The following NKAIN2 variants were observed in gnomAD, a reference collection of about 807,000 sequenced individuals.
NKAIN2 encodes the protein sodium/potassium transporting ATPase interacting 2.
Under a neutral mutation model 32.6 loss-of-function variants are expected in NKAIN2, and 14 were observed. That is an observed-to-expected ratio of 0.43 (90% CI 0.28 to 0.67). NKAIN2 has a LOEUF of 0.67. Ranked by LOEUF, NKAIN2 falls within the 30% of genes least tolerant of loss-of-function variation. The pLI is 0.17. For synonymous variants in NKAIN2, 80 were observed against 87.2 expected, an observed-to-expected ratio of 0.92 and a Z score of 0.46; for missense variants, 198 against 258.3, an observed-to-expected ratio of 0.77 and a Z score of 1.60.
intron 1 of NKAIN2, among the ~76,000 whole-genome samples, chr6:124,260,511 G>A (rs1020517632): frequency 6.6e-6 from 1 of 152,292 alleles, no homozygotes; most frequent in African/African-American, 2.4e-5. Context: ...ATGTAAAAGC[G>A]CTGAGGCAGG....
chr6:124,594,077 A>G (rs531342741), intron 3 of NKAIN2, among the ~76,000 whole-genome samples: 1 of 152,328 alleles, frequency 6.6e-6, no homozygotes, highest in East Asian at 1.9e-4. Flanking sequence ...AGAGGTGACT[A>G]ACGATCATTA....
intron 3 of NKAIN2, among the ~76,000 whole-genome samples, chr6:124,535,453 A>G (rs1160793921): frequency 6.6e-6 from 1 of 152,172 alleles, no homozygotes; most frequent in Non-Finnish European, 1.5e-5. Context: ...AAGCATGACA[A>G]TTATGTTATA....
intron 1 of NKAIN2, among the ~76,000 whole-genome samples, chr6:123,925,969 G>C (rs1775985602): frequency 6.6e-6 from 1 of 152,196 alleles, no homozygotes; most frequent in South Asian, 2.1e-4. Flanking sequence ...TTCGGTGTCT[G>C]TTGAGGGCTT....
chr6:124,732,200 C>T (rs552422325), intron 4 of NKAIN2, among the ~76,000 whole-genome samples: 1 of 152,154 alleles, frequency 6.6e-6, no homozygotes, highest in South Asian at 2.1e-4. Context: ...CCAGCCCTTC[C>T]TTTACCTTTT....
intron 3 of NKAIN2, among the ~76,000 whole-genome samples, chr6:124,593,452 G>C (rs899255650): frequency 1.1e-4 from 17 of 152,146 alleles, no homozygotes; most frequent in Non-Finnish European, 2.5e-4. Flanking sequence ...AAAGTGGGCA[G>C]TGGAAGCAGA....
chr6:124,001,392 A>C (rs2114712669), intron 1 of NKAIN2, among the ~76,000 whole-genome samples: 1 of 152,226 alleles, frequency 6.6e-6, no homozygotes, highest in East Asian at 1.9e-4. Flanking sequence ...CATTTCAGTT[A>C]TCCAGAACTA....
intron 2 of NKAIN2, among the ~76,000 whole-genome samples, chr6:124,349,995 A>G (rs1798637753): frequency 6.6e-6 from 1 of 152,230 alleles, no homozygotes; most frequent in Non-Finnish European, 1.5e-5. Flanking sequence ...CTCATCACAG[A>G]CAATATCTCA....
chr6:124,817,342 A>G (rs1318297142), intron 5 of NKAIN2, among the ~76,000 whole-genome samples: 3 of 152,100 alleles, frequency 2.0e-5, no homozygotes, highest in African/African-American at 7.2e-5. Context: ...GGAAGCCAAA[A>G]GACTGGACAC....
At chr6:124,467,516 C>A (rs1243415035) in intron 3 of NKAIN2, among the ~76,000 whole-genome samples, 1 of 152,092 alleles carries the variant, frequency 6.6e-6, no homozygotes, top group Non-Finnish European at 1.5e-5. Context: ...AGGATCCCTA[C>A]ATCTCCAAGT....
At chr6:124,401,709 G>T (rs1289742835) in intron 3 of NKAIN2, among the ~76,000 whole-genome samples, 2 of 151,584 alleles carry the variant, frequency 1.3e-5, no homozygotes, top group Non-Finnish European at 2.9e-5. Flanking sequence ...TATATTTTTT[G>T]GCCATTTGGA....
Position 124,642,109 on chromosome 6 carries a change from G to A in NKAIN2, c.274-16077G>A, listed in dbSNP as rs535364037. The stretch of plus-strand genomic sequence containing the variant: ...TAGGAACAGGAGTATATATCTGATC[G>A]CCCTTCATAATATAGTGGAATGAAT... On this transcript the variant is annotated intron_variant, in intron 3 of 6. Transcript: ENST00000368417. Among the ~76,000 whole-genome samples, 11 of 152,152 alleles carry A rather than the reference G, an allele frequency of 7.2e-5. No homozygotes were observed. The South Asian group carries it at 1.0e-3, about 14-fold the overall frequency.
intron 3 of NKAIN2, among the ~76,000 whole-genome samples, chr6:124,456,049 T>C (rs950236491): frequency 6.6e-5 from 10 of 152,004 alleles, no homozygotes; most frequent in African/African-American, 2.4e-4. Context: ...GTGACATTTT[T>C]TTTTCTTTCA....
At chr6:124,378,580 G>T (rs557778997) in intron 3 of NKAIN2, among the ~76,000 whole-genome samples, 17 of 152,274 alleles carry the variant, frequency 1.1e-4, no homozygotes, top group Non-Finnish European at 2.4e-4. Context: ...AAGTGAGAAA[G>T]TGGGGAGAAT....
chr6:123,866,771 A>G (rs1362938643), intron 1 of NKAIN2, among the ~76,000 whole-genome samples: 1 of 152,134 alleles, frequency 6.6e-6, no homozygotes, highest in Non-Finnish European at 1.5e-5. Context: ...GCAGCATTTG[A>G]CCATGTAATC....
chr6:124,571,899 T>C (rs1781141290), intron 3 of NKAIN2, among the ~76,000 whole-genome samples: 1 of 152,206 alleles, frequency 6.6e-6, no homozygotes, highest in African/African-American at 2.4e-5. Context: ...TCAGAATTTC[T>C]CAATACACTT....
At chr6:124,314,921 C>A in intron 2 of NKAIN2, among the ~76,000 whole-genome samples, 1 of 152,080 alleles carries the variant, frequency 6.6e-6, no homozygotes, top group Non-Finnish European at 1.5e-5. Context: ...CTCATAAGTG[C>A]CTGGTGCCTA....
intron 2 of NKAIN2, among the ~76,000 whole-genome samples, chr6:124,299,279 A>C (rs1796198356): frequency 6.6e-6 from 1 of 152,204 alleles, no homozygotes; most frequent in East Asian, 1.9e-4. Context: ...AATAAACATA[A>C]TTTCTAAAAT....
At position 124,496,844 on chromosome 6, in the gene NKAIN2, G is replaced by A. The variant is rs568287969; in HGVS notation, c.273+141497G>A. The stretch of plus-strand genomic sequence containing the variant: ...AGATAGGGTTTAGACTTCCATTGAC[G>A]CCCCTAAACATCCTCTTTTACAGAT... On this transcript the variant is annotated intron_variant, in intron 3 of 6. Coordinates refer to ENST00000368417, the MANE Select transcript of NKAIN2 (RefSeq NM_001040214.3). 2.4e-4 allele frequency among the ~76,000 whole-genome samples: 37 copies of A among 152,154 alleles called. 1 individual carries two copies. In the South Asian group the frequency reaches 2.5e-3, roughly 10 times the overall value.
intron 4 of NKAIN2, among the ~76,000 whole-genome samples, chr6:124,745,542 A>T (rs1777409476): frequency 6.6e-6 from 1 of 151,922 alleles, no homozygotes; most frequent in African/African-American, 2.4e-5. Context: ...AAAAATTATT[A>T]TGAAACAAAA....
Sources: gnomAD v4.1 joint callset for allele counts (sites outside exome capture counted in the v4.1 genomes callset) on GRCh38, gnomAD v4.1.1 for gene constraint, MANE v1.5 for transcripts, NCBI Gene and HGNC (gene_info 2026-07-23, HGNC 2026-07-21) for gene names.